The following CTSB variants were observed in gnomAD, a reference collection of about 807,000 sequenced individuals.
The protein encoded by CTSB is cathepsin B.
A neutral mutation model predicts 44.3 loss-of-function variants in CTSB; 57 were observed. The ratio of observed to expected loss-of-function variants is 1.29; its 90% CI spans 1.04 to 1.60. CTSB has a LOEUF of 1.60. CTSB is among the 40% of genes most tolerant of loss of function. CTSB has a pLI of 0.00. For synonymous variants in CTSB, 320 were observed against 168.0 expected (o/e 1.91, Z -7.00); for missense variants, 768 against 443.0 (o/e 1.73, Z -6.59).
rs558413235 is a variant in CTSB at position 11,852,648 on chromosome 8, T to C, written c.174A>G (p.Leu58=). Reference sequence around the variant, plus strand: ...TGGGCCCACCCAGGAAGGTACCACATAGCCTCTTCAAGTAGCTCATGTCCA... The same window carrying C: ...TGGGCCCACCCAGGAAGGTACCACACAGCCTCTTCAAGTAGCTCATGTCCA... ...YNVDMSYLKR[L]CGTFLGGPKP... is the part of the protein sequence containing the mutation. The change falls in exon 3 of 10, where the codon CTA becomes CTG. Residue 58 remains leucine (L), a synonymous_variant. Transcript: ENST00000353047. 11 of 1,613,898 alleles carry C rather than the reference T, an allele frequency of 6.8e-6. No homozygotes were observed. The highest frequency in any genetic ancestry group is 2.2e-5 in the South Asian group (2 of 91,076).
At chr8:11,845,577 G>T (rs1236240890) in intron 9 of CTSB, 84 bp downstream of exon 9, 1 of 1,515,262 alleles carries the variant, frequency 6.6e-7, no homozygotes, top group Non-Finnish European at 9.0e-7. Context: ...AGGCTGTGCG[G>T]TGGGTAGAAC....
chr8:11,865,716 G>A (rs1384167820), intron 1 of CTSB: 2 of 151,320 alleles, frequency 1.3e-5, no homozygotes, highest in Non-Finnish European at 2.9e-5. Context: ...CCAGATTTAA[G>A]AAAATTACCC....
In CTSB at chr8:11,843,464, G is replaced by C. The variant is rs539695243; in HGVS notation, c.*1661C>G. 1 of 152,322 alleles carries C rather than the reference G, an allele frequency of 6.6e-6. No individual in the cohort carries two copies. The highest frequency in any genetic ancestry group is 2.4e-5 in the African/African-American group (1 of 41,558). The allele number at this position is 152,322 out of a possible 1,614,324, so 9.4% of individuals were successfully genotyped here. A position where few individuals can be genotyped will look rare whatever the true frequency, so the allele number is the denominator to read the frequency against. ...TGGCAGGACAGTGGAATGATTGCTG[G>C]TTCTTCTAGTTTGCTCTATACCAAG... On this transcript the variant is annotated 3_prime_UTR_variant, in exon 10 of 10. Transcript: ENST00000353047.
Position 11,844,946 on chromosome 8 carries a change from C to G in CTSB, c.*179G>C, listed in dbSNP as rs1209977570. 1.8e-5 allele frequency: 11 copies of G among 606,782 alleles called. No individual in the cohort carries two copies. The East Asian group carries it at 1.9e-4, about 11-fold the overall frequency. The allele number at this position is 606,782 out of a possible 1,614,324, so 37.6% of individuals were successfully genotyped here. A position where few individuals can be genotyped will look rare whatever the true frequency, so the allele number is the denominator to read the frequency against. On this transcript the variant is annotated 3_prime_UTR_variant, in exon 10 of 10. Transcript: ENST00000353047. ...CGGTGGCTCACATGGCCTGTCTGCA[C>G]TGTAACCACAGGCTGGGATGTAGCC... is the stretch of plus-strand genomic sequence containing the variant.
chr8:11,859,632 G>T (rs1455639994), intron 1 of CTSB, among the ~76,000 whole-genome samples: 1 of 151,936 alleles, frequency 6.6e-6, no homozygotes, highest in African/African-American at 2.4e-5. Context: ...GCCAGGCACG[G>T]TGGTGGGTGC....
chr8:11,848,066 C>T lies in CTSB; in HGVS notation c.532+1G>A. ...GAAAGTGGCCAAGGGGACACACTTA[C>T]CTACATGGGATTCATAGAGGCCACC... On this transcript the variant is annotated splice_donor_variant, in intron 6 of 9. Coordinates refer to ENST00000353047, the MANE Select transcript of CTSB (RefSeq NM_001908.5). LOFTEE classifies it high-confidence loss of function. 1.2e-6 allele frequency: 2 copies of T among 1,610,768 alleles called. No individual in the cohort carries two copies. Among genetic ancestry groups the T allele is most frequent in the Non-Finnish European group, 8.5e-7 (1 of 1,177,746 alleles).
chr8:11,867,605 G>A (rs1050152385), intron 1 of CTSB: 2 of 152,242 alleles, frequency 1.3e-5, no homozygotes, highest in East Asian at 3.9e-4. Context: ...CGGAGACACC[G>A]AGGCCCAGGC....
At chr8:11,863,107 G>A (rs1044647308) in intron 1 of CTSB, among the ~76,000 whole-genome samples, 1 of 152,138 alleles carries the variant, frequency 6.6e-6, no homozygotes, top group Non-Finnish European at 1.5e-5. Context: ...GAACCCAGGA[G>A]ATTAAGACCA....
chr8:11,866,680 T>A (rs150266502), intron 1 of CTSB, among the ~76,000 whole-genome samples: 1 of 152,132 alleles, frequency 6.6e-6, no homozygotes, highest in African/African-American at 2.4e-5. Context: ...GTCAACATGG[T>A]GAAACCCCAT....
At chr8:11,847,332 G>C (rs1350366668) in intron 7 of CTSB, among the ~76,000 whole-genome samples, 164 bp from the exon 8 acceptor site, 2 of 152,170 alleles carry the variant, frequency 1.3e-5, no homozygotes, top group South Asian at 2.1e-4. Flanking sequence ...GAAGAACTAA[G>C]GACAGGGCTG....
chr8:11,847,165 T>G lies in CTSB; in HGVS notation c.680A>C (p.Tyr227Ser). 6.2e-7 allele frequency: 1 copy of G among 1,604,360 alleles called. No homozygotes were observed. Among genetic ancestry groups the G allele is most frequent in the Non-Finnish European group, 8.5e-7 (1 of 1,171,436 alleles). Residue 227 changes from tyrosine to serine, a missense_variant, in exon 8 of 10, where the codon TAC becomes TCC. Tyr to Ser is a moderately radical substitution (Grantham distance 144, BLOSUM62 -2). Coordinates refer to ENST00000353047, the MANE Select transcript of CTSB (RefSeq NM_001908.5). Reference sequence around the variant, plus strand: ...GCTATTGGAGACGCTGTAGGAATTGTATCCTGGAAAATGAACCGAGCTCGG... The same window carrying G: ...GCTATTGGAGACGCTGTAGGAATTGGATCCTGGAAAATGAACCGAGCTCGG... Reference protein sequence around the residue: ...PTYKQDKHYGYNSYSVSNSEK... With the variant: ...PTYKQDKHYGSNSYSVSNSEK...
intron 1 of CTSB, among the ~76,000 whole-genome samples, chr8:11,856,247 G>A (rs1815491133): frequency 6.6e-6 from 1 of 151,996 alleles, no homozygotes; most frequent in Admixed American, 6.6e-5. Context: ...TTCTAAATCT[G>A]CATGTCCTGG....
chr8:11,861,055 G>A (rs1485549066), intron 1 of CTSB, among the ~76,000 whole-genome samples: 1 of 152,222 alleles, frequency 6.6e-6, no homozygotes, highest in African/African-American at 2.4e-5. Flanking sequence ...GGCCTCTGAT[G>A]TGTTACGTCT....
In CTSB at chr8:11,845,671, C is replaced by A; in HGVS notation, c.912G>T (p.Trp304Cys). The change falls in exon 9 of 10, where the codon TGG becomes TGT. Residue 304 changes from tryptophan (W) to cysteine (C), a missense_variant. Physicochemically the swap from Trp to Cys is radical, Grantham distance 215. Coordinates refer to ENST00000353047, the MANE Select transcript of CTSB (RefSeq NM_001908.5). ...WLVANSWNTD[W>C]GDNGFFKILR... Reference sequence around the variant, plus strand: ...GGGGCAGCCACTCACCATTGTCACCCCAGTCAGTGTTCCAGGAGTTGGCAA... The same window carrying A: ...GGGGCAGCCACTCACCATTGTCACCACAGTCAGTGTTCCAGGAGTTGGCAA... 1 of 1,613,234 alleles carries A rather than the reference C, an allele frequency of 6.2e-7. No individual in the cohort carries two copies. The highest frequency in any genetic ancestry group is 2.2e-5 in the East Asian group (1 of 44,842).
Position 11,844,068 on chromosome 8 carries a change from T to G in CTSB, c.*1057A>C, listed in dbSNP as rs1298296395. On this transcript the variant is annotated 3_prime_UTR_variant, in exon 10 of 10. Coordinates refer to ENST00000353047, the MANE Select transcript of CTSB (RefSeq NM_001908.5). ...AACAAAAAAATAGAGCACAGCTATG[T>G]TTTGAGTTCTTAAGCAAGGGCAAGC... 6.6e-6 allele frequency: 1 copy of G among 152,126 alleles called. No homozygotes were observed. The highest frequency in any genetic ancestry group is 1.5e-5 in the Non-Finnish European group (1 of 68,014). The allele number at this position is 152,126 out of a possible 1,614,324, so 9.4% of individuals were successfully genotyped here.
rs1320619848 is a variant in CTSB at position 11,850,919 on chromosome 8, G to T, written c.274C>A (p.Gln92Lys). ...ASFDAREQWP[Q>K]CPTIKEIRDQ... The stretch of plus-strand genomic sequence containing the variant: ...CTGATCTCTTTGATGGTGGGACACT[G>T]TGGCCATTGTTCCCGTGCATCGAAG... Residue 92 changes from glutamine to lysine, a missense_variant, in exon 4 of 10, where the codon CAG (glutamine) becomes AAG (lysine). Physicochemically the swap from Gln to Lys is moderately conservative, Grantham distance 53. Transcript: ENST00000353047. 6.2e-7 allele frequency: 1 copy of T among 1,613,604 alleles called. No homozygotes were observed. Among genetic ancestry groups the T allele is most frequent in the South Asian group, 1.1e-5 (1 of 91,036 alleles).
intron 4 of CTSB, chr8:11,850,058 G>A (rs1378843183): frequency 1.3e-5 from 2 of 152,280 alleles, no homozygotes; most frequent in Non-Finnish European, 2.9e-5. Context: ...CTGAAAAAGA[G>A]TTCGGGGGAC....
Position 11,843,031 on chromosome 8 carries a change from C to G in CTSB, c.*2094G>C, listed in dbSNP as rs1259339485. The G allele has an allele frequency of 1.3e-5, 2 of 150,522 alleles. No individual in the cohort carries two copies. The highest frequency in any genetic ancestry group is 2.9e-5 in the Non-Finnish European group (2 of 67,938). 9.3% of individuals were successfully genotyped at this position (150,522 alleles called of 1,614,324 possible). On this transcript the variant is annotated 3_prime_UTR_variant, in exon 10 of 10. Transcript: ENST00000353047. ...TGGCACTGTCTTGGCTCACTGCAACCTCCGCCTCCCGGGTTCAAGCGATTC... is the reference window on the plus strand; with the variant it reads ...TGGCACTGTCTTGGCTCACTGCAACGTCCGCCTCCCGGGTTCAAGCGATTC...
At chr8:11,849,783 G>A (rs2131027346) in intron 4 of CTSB, among the ~76,000 whole-genome samples, 1 of 152,136 alleles carries the variant, frequency 6.6e-6, no homozygotes, top group South Asian at 2.1e-4. Context: ...GTTTCACCAT[G>A]TTGGCCAGGT....
Sources: allele counts gnomAD v4.1 joint callset (sites outside exome capture counted in the v4.1 genomes callset), GRCh38; gene constraint gnomAD v4.1.1; transcripts MANE v1.5; gene names NCBI Gene and HGNC (gene_info 2026-07-23, HGNC 2026-07-21).